TTC7B: variants seen among roughly 807,000 people sequenced by gnomAD.
TTC7B encodes the protein tetratricopeptide repeat domain 7B.
Under a neutral mutation model 106.8 loss-of-function variants are expected in TTC7B, and 28 were observed. The ratio of observed to expected loss-of-function variants is 0.26; its 90% CI spans 0.19 to 0.36. TTC7B has a LOEUF of 0.36. TTC7B is among the 10% of genes least tolerant of loss of function. The pLI, the probability that TTC7B is intolerant of heterozygous loss-of-function variation, is 1.00. For synonymous variants in TTC7B, 405 were observed against 430.6 expected (o/e 0.94, Z 0.74); for missense variants, 862 against 1,076.4 (o/e 0.80, Z 2.79).
intron 3 of TTC7B, among the ~76,000 whole-genome samples, chr14:90,770,089 C>T (rs1255003517): frequency 6.6e-6 from 1 of 152,132 alleles, no homozygotes; most frequent in East Asian, 1.9e-4. Context: ...TTCAAAGTTA[C>T]AGTGAGCTAT....
At chr14:90,684,433 T>G (rs137898316) in intron 7 of TTC7B, among the ~76,000 whole-genome samples, 64 of 152,148 alleles carry the variant, frequency 4.2e-4, no homozygotes, top group African/African-American at 1.5e-3. Context: ...CGTACAAGAC[T>G]CTTCACAGAA....
At chr14:90,581,317 A>G (rs568681159) in intron 18 of TTC7B, among the ~76,000 whole-genome samples, 10 of 152,176 alleles carry the variant, frequency 6.6e-5, no homozygotes, top group African/African-American at 2.4e-4. Flanking sequence ...TTCTATACTC[A>G]CAGGGGACTC....
chr14:90,712,464 T>C (rs1210376591), intron 5 of TTC7B, among the ~76,000 whole-genome samples: 1 of 152,230 alleles, frequency 6.6e-6, no homozygotes, highest in Non-Finnish European at 1.5e-5. Flanking sequence ...AACATCCATA[T>C]ATAAAAATCA....
intron 8 of TTC7B, among the ~76,000 whole-genome samples, chr14:90,678,699 A>G (rs895476319): frequency 7.9e-5 from 12 of 152,162 alleles, no homozygotes; most frequent in African/African-American, 2.9e-4. Context: ...AGGGATCTCA[A>G]TGTTTGAGTA....
rs1310048890 is a variant in TTC7B, at chr14:90,537,121, C to G, written c.*4247G>C. The G allele has an allele frequency of 6.6e-6, 1 of 152,252 alleles. No individual in the cohort carries two copies. Among genetic ancestry groups the G allele is most frequent in the African/African-American group, 2.4e-5 (1 of 41,464 alleles). The allele number at this position is 152,252 out of a possible 1,614,324, so 9.4% of individuals were successfully genotyped here. A position where few individuals can be genotyped will look rare whatever the true frequency, so the allele number is the denominator to read the frequency against. On this transcript the variant is annotated 3_prime_UTR_variant, in exon 20 of 20. Coordinates refer to ENST00000328459, the MANE Select transcript of TTC7B (RefSeq NM_001010854.2). ...CAGCCCCACTGAAAGCTTGATTTGACTTCTGACCTCCAAAACAAAGAGAAT... is the reference window on the plus strand; with the variant it reads ...CAGCCCCACTGAAAGCTTGATTTGAGTTCTGACCTCCAAAACAAAGAGAAT...
intron 5 of TTC7B, among the ~76,000 whole-genome samples, chr14:90,727,452 C>T (rs943744329): frequency 4.7e-4 from 72 of 152,340 alleles, no homozygotes; most frequent in African/African-American, 1.6e-3. Context: ...CATGGTGGAG[C>T]GGCAACGCTG....
chr14:90,704,372 C>T (rs1362252671), intron 5 of TTC7B, among the ~76,000 whole-genome samples: 4 of 152,222 alleles, frequency 2.6e-5, no homozygotes, highest in Admixed American at 2.0e-4. Context: ...TAGCTTTATA[C>T]ATGAGGAAAC....
chr14:90,782,177 G>A (rs559891872), intron 2 of TTC7B, among the ~76,000 whole-genome samples: 1 of 151,832 alleles, frequency 6.6e-6, no homozygotes, highest in South Asian at 2.1e-4. Context: ...GCATTGGAAA[G>A]GATGGTGCAG....
At position 90,593,493 on chromosome 14, in the gene TTC7B, G is replaced by A; in HGVS notation, c.2100C>T (p.Leu700=). ...GGGTGAGGCGGAGGGTACCTGCATG[G>A]AGCCAGATCTGTGCCAGCGTCATCC... is the stretch of plus-strand genomic sequence containing the variant. ...HPWMTLAQIW[L]HAAEVYIGIG... The change falls in exon 18 of 20, where the codon CTC becomes CTT. Residue 700 remains leucine, a synonymous_variant. Coordinates refer to ENST00000328459, the MANE Select transcript of TTC7B (RefSeq NM_001010854.2). 1.9e-6 allele frequency: 3 copies of A among 1,599,292 alleles called. No homozygotes were observed. Among genetic ancestry groups the A allele is most frequent in the Non-Finnish European group, 2.6e-6 (3 of 1,171,214 alleles).
intron 1 of TTC7B, 29 bp from the exon 2 acceptor site, chr14:90,786,357 G>T (rs1440000426): frequency 1.2e-6 from 2 of 1,610,722 alleles, no homozygotes; most frequent in Non-Finnish European, 1.7e-6. Flanking sequence ...AACAAAGTGG[G>T]AGCAAGGAAT....
chr14:90,694,849 T>C (rs1887636898), intron 6 of TTC7B, among the ~76,000 whole-genome samples: 1 of 137,414 alleles, frequency 7.3e-6, no homozygotes, highest in African/African-American at 2.6e-5. Flanking sequence ...ACATACAATA[T>C]ATGTGACATA....
intron 3 of TTC7B, among the ~76,000 whole-genome samples, chr14:90,773,564 C>T (rs74451140): frequency 1.3e-5 from 2 of 152,088 alleles, no homozygotes; most frequent in Admixed American, 1.3e-4. Context: ...TAAATCACCA[C>T]GCACCATGCC....
chr14:90,760,311 G>A (rs1048345653), intron 3 of TTC7B, among the ~76,000 whole-genome samples: 1 of 152,154 alleles, frequency 6.6e-6, no homozygotes, highest in Non-Finnish European at 1.5e-5. Flanking sequence ...AGCAGGACAT[G>A]CAGCCAGCCT....
At chr14:90,674,512 C>T (rs1396904219) in intron 9 of TTC7B, among the ~76,000 whole-genome samples, 1 of 152,212 alleles carries the variant, frequency 6.6e-6, no homozygotes. Context: ...GTGCTGGGCC[C>T]GCCCCCGTCA....
At position 90,538,354 on chromosome 14, in the gene TTC7B, T is replaced by G. The variant is rs1368548179; in HGVS notation, c.*3014A>C. On this transcript the variant is annotated 3_prime_UTR_variant, in exon 20 of 20. Coordinates refer to ENST00000328459, the MANE Select transcript of TTC7B (RefSeq NM_001010854.2). ...TGGACGGATGGATGAATGTCCTTAGTTGGGAAAGGCTCAGCAGGTCAGAAG... is the reference window on the plus strand; with the variant it reads ...TGGACGGATGGATGAATGTCCTTAGGTGGGAAAGGCTCAGCAGGTCAGAAG... 8 of 151,558 alleles carry G rather than the reference T, an allele frequency of 5.3e-5. No homozygotes were observed. Among genetic ancestry groups the G allele is most frequent in the African/African-American group, 9.7e-5 (4 of 41,210 alleles). The allele number at this position is 151,558 out of a possible 1,614,324, so 9.4% of individuals were successfully genotyped here.
At chr14:90,611,912 T>C (rs912266713) in intron 16 of TTC7B, among the ~76,000 whole-genome samples, 8 of 152,234 alleles carry the variant, frequency 5.3e-5, no homozygotes, top group African/African-American at 1.9e-4. Context: ...TCTTCAATGC[T>C]TTTCTTTGAA....
chr14:90,535,577 A>G lies in TTC7B; in HGVS notation c.*5791T>C, dbSNP rs1294556. 0.65 allele frequency: 99,624 copies of G among 152,458 alleles called. 33,506 individuals carry two copies. Among genetic ancestry groups the G allele is most frequent in the South Asian group, 0.73 (3,534 of 4,830 alleles). 9.4% of individuals were successfully genotyped at this position (152,458 alleles called of 1,614,324 possible). The stretch of plus-strand genomic sequence containing the variant: ...AAGGTGCTCAGCGAGGCCGCCTTCA[A>G]CACTCAACACGGCCCCTTCCCCACC... On this transcript the variant is annotated 3_prime_UTR_variant, in exon 20 of 20. Transcript: ENST00000328459.
At chr14:90,773,663 G>C (rs918976625) in intron 3 of TTC7B, among the ~76,000 whole-genome samples, 8 of 152,196 alleles carry the variant, frequency 5.3e-5, no homozygotes, top group Non-Finnish European at 7.3e-5. Context: ...TGTGAGGTTA[G>C]AAATTGGCTT....
At chr14:90,701,817 T>C (rs1470281425) in intron 5 of TTC7B, among the ~76,000 whole-genome samples, 2 of 149,068 alleles carry the variant, frequency 1.3e-5, no homozygotes, top group African/African-American at 2.5e-5. Flanking sequence ...TATATATATA[T>C]ATATGGAAAG....
Sources: allele counts gnomAD v4.1 joint callset (sites outside exome capture counted in the v4.1 genomes callset), GRCh38; gene constraint gnomAD v4.1.1; transcripts MANE v1.5; gene names NCBI Gene and HGNC (gene_info 2026-07-23, HGNC 2026-07-21).